PPP2R3A: variants seen among roughly 807,000 people sequenced by gnomAD.
PPP2R3A encodes serine/threonine-protein phosphatase 2A regulatory subunit B'' subunit alpha.
A neutral mutation model predicts 106.9 loss-of-function variants in PPP2R3A; 80 were observed. The ratio of observed to expected loss-of-function variants is 0.75; its 90% CI spans 0.62 to 0.90. PPP2R3A has a LOEUF of 0.90. PPP2R3A is among the 40% of genes least tolerant of loss of function. The probability of loss-of-function intolerance (pLI) is 0.00; values close to 1 mark genes in which losing one functional copy is unlikely to be tolerated. For synonymous variants in PPP2R3A, 483 were observed against 468.3 expected (o/e 1.03, Z -0.41); for missense variants, 1,386 against 1,350.4 (o/e 1.03, Z -0.41).
At chr3:136,056,770 A>T (rs1435868745) in intron 5 of PPP2R3A, among the ~76,000 whole-genome samples, 1 of 152,180 alleles carries the variant, frequency 6.6e-6, no homozygotes, top group Admixed American at 6.6e-5. Flanking sequence ...CAAGGAAATA[A>T]TCAACAGAGT....
intron 10 of PPP2R3A, among the ~76,000 whole-genome samples, chr3:136,097,708 G>A (rs2107958784): frequency 6.6e-6 from 1 of 152,076 alleles, no homozygotes; most frequent in African/African-American, 2.4e-5. Flanking sequence ...ATTCCCTTTT[G>A]CCTGATTTTG....
chr3:136,102,026 T>A lies in PPP2R3A; in HGVS notation c.2947T>A (p.Cys983Ser). 3 of 1,613,990 alleles carry A rather than the reference T, an allele frequency of 1.9e-6. No homozygotes were observed. The highest frequency in any genetic ancestry group is 2.5e-6 in the Non-Finnish European group (3 of 1,179,898). The change falls in exon 11 of 14, where the codon TGC (cysteine) becomes AGC (serine). Residue 983 changes from cysteine to serine, a missense_variant. Coordinates refer to ENST00000264977, the MANE Select transcript of PPP2R3A (RefSeq NM_002718.5). ...ATCTAGCATTGAGTATTGGTTCCGC[T>A]GCATGGATGTGGATGGAGACGGTGT... ...NPTSIEYWFR[C>S]MDVDGDGVLS... is the part of the protein sequence containing the mutation.
At chr3:136,034,590 T>C (rs774713985) in intron 3 of PPP2R3A, among the ~76,000 whole-genome samples, 1 of 152,246 alleles carries the variant, frequency 6.6e-6, no homozygotes, top group Non-Finnish European at 1.5e-5. Flanking sequence ...GAGAGAGTGC[T>C]TGATATAATT....
chr3:136,022,534 CT>C (rs950604018), intron 2 of PPP2R3A, among the ~76,000 whole-genome samples: 2 of 151,740 alleles, frequency 1.3e-5, no homozygotes, highest in African/African-American at 4.8e-5. Context: ...GTAGCCTGTT[CT>C]TTTTTTTATA....
chr3:135,969,035 T>G (rs1475934768), intron 1 of PPP2R3A, among the ~76,000 whole-genome samples: 1 of 150,204 alleles, frequency 6.7e-6, no homozygotes, highest in Non-Finnish European at 1.5e-5. Flanking sequence ...TGAATAAATA[T>G]ATTTATAGGG....
intron 4 of PPP2R3A, among the ~76,000 whole-genome samples, chr3:136,042,096 G>A (rs1010656695): frequency 2.6e-5 from 4 of 152,166 alleles, no homozygotes; most frequent in African/African-American, 9.7e-5. Context: ...TGAACAGACA[G>A]ATTCTTTCTA....
rs566107015 is a variant in PPP2R3A at position 136,062,515 on chromosome 3, G to A, written c.2470-7963G>A. 1.4e-4 allele frequency among the ~76,000 whole-genome samples: 22 copies of A among 152,154 alleles called. No homozygotes were observed. In the East Asian group the frequency reaches 1.7e-3, roughly 12 times the overall value. ...AAGGTGTGCAGATCATGAGGAGATCGAGACCATCCTGGCTAACACTGTGAA... is the reference window on the plus strand; with the variant it reads ...AAGGTGTGCAGATCATGAGGAGATCAAGACCATCCTGGCTAACACTGTGAA... On this transcript the variant is annotated intron_variant, in intron 5 of 13. Transcript: ENST00000264977.
chr3:135,984,786 C>T lies in PPP2R3A; in HGVS notation c.-440-16273C>T, dbSNP rs186546449. Among the ~76,000 whole-genome samples, 10 of 152,266 alleles carry T rather than the reference C, an allele frequency of 6.6e-5. 1 individual carries two copies. The highest frequency in any genetic ancestry group is 4.1e-4 in the South Asian group (2 of 4,824). ...GCTGCTGATAAAAACATATCCAAGA[C>T]GGGGCAATTTACAAAAGAAAGAGGT... On this transcript the variant is annotated intron_variant, in intron 1 of 13. Coordinates refer to ENST00000264977, the MANE Select transcript of PPP2R3A (RefSeq NM_002718.5).
chr3:136,021,547 A>G (rs1934466155), intron 2 of PPP2R3A, among the ~76,000 whole-genome samples: 1 of 152,140 alleles, frequency 6.6e-6, no homozygotes, highest in Non-Finnish European at 1.5e-5. Context: ...AACAGTGGAA[A>G]ACCAAAGAAT....
rs962161252 is a variant in PPP2R3A at position 136,008,365 on chromosome 3, C to A, written c.1995+4872C>A. 4.6e-5 allele frequency among the ~76,000 whole-genome samples: 7 copies of A among 152,156 alleles called. No individual in the cohort carries two copies. The South Asian group carries it at 1.0e-3, about 23-fold the overall frequency. ...ATAGGAAACCATTCTCTCCTCCTCT[C>A]AATTGCCACCAAGCAGATTAATAAA... On this transcript the variant is annotated intron_variant, in intron 2 of 13. Coordinates refer to ENST00000264977, the MANE Select transcript of PPP2R3A (RefSeq NM_002718.5).
At chr3:136,140,821 A>C (rs1234809476) in intron 13 of PPP2R3A, among the ~76,000 whole-genome samples, 1 of 151,862 alleles carries the variant, frequency 6.6e-6, no homozygotes, top group Non-Finnish European at 1.5e-5. Flanking sequence ...GAGGCAGGAT[A>C]ATTGCTTGAA....
chr3:136,023,101 A>T (rs1934520971), intron 2 of PPP2R3A: 1 of 1,613,464 alleles, frequency 6.2e-7, no homozygotes, highest in East Asian at 2.2e-5. Context: ...CTACGAAGGG[A>T]CCCGGATTTA....
chr3:135,976,570 TAAA>T (rs927019257), intron 1 of PPP2R3A, among the ~76,000 whole-genome samples: 32 of 152,044 alleles, frequency 2.1e-4, no homozygotes, highest in African/African-American at 7.3e-4. Flanking sequence ...TAAATAAACT[TAAA>T]TAAATAAACT....
intron 13 of PPP2R3A, among the ~76,000 whole-genome samples, chr3:136,143,261 G>A (rs985557485): frequency 2.6e-5 from 4 of 152,150 alleles, no homozygotes; most frequent in Non-Finnish European, 4.4e-5. Flanking sequence ...GGCTGATGGG[G>A]GTGGATCACC....
At chr3:136,056,928 A>C (rs1935883775) in intron 5 of PPP2R3A, among the ~76,000 whole-genome samples, 1 of 152,192 alleles carries the variant, frequency 6.6e-6, no homozygotes, top group Non-Finnish European at 1.5e-5. Context: ...CAGGTATATG[A>C]AAAAATACTC....
chr3:136,114,743 T>A (rs1452614316), intron 13 of PPP2R3A, among the ~76,000 whole-genome samples: 1 of 152,160 alleles, frequency 6.6e-6, no homozygotes, highest in East Asian at 1.9e-4. Context: ...TGCTCCTCTC[T>A]GGGCAGGGCA....
chr3:136,144,884 AGT>A (rs1239421724), intron 13 of PPP2R3A, among the ~76,000 whole-genome samples, 157 bp from the exon 14 acceptor site: 1 of 152,130 alleles, frequency 6.6e-6, no homozygotes, highest in Non-Finnish European at 1.5e-5. Flanking sequence ...TCTGCTCTAG[AGT>A]GTTGCCTCCT....
At chr3:136,109,013 C>T (rs756768586) in intron 13 of PPP2R3A, among the ~76,000 whole-genome samples, 2 of 151,930 alleles carry the variant, frequency 1.3e-5, no homozygotes, top group African/African-American at 2.4e-5. Flanking sequence ...AATGAGCAGC[C>T]ATGGTAGAAA....
intron 2 of PPP2R3A, among the ~76,000 whole-genome samples, chr3:136,021,453 T>G (rs538897315): frequency 2.0e-5 from 3 of 152,072 alleles, no homozygotes; most frequent in African/African-American, 7.2e-5. Context: ...TTTAGACATA[T>G]AAGCCTAATG....
Sources: gnomAD v4.1 joint callset for allele counts (sites outside exome capture counted in the v4.1 genomes callset) on GRCh38, gnomAD v4.1.1 for gene constraint, MANE v1.5 for transcripts, NCBI Gene and HGNC (gene_info 2026-07-23, HGNC 2026-07-21) for gene names.